Variants in RASGEF1C observed in about 807,000 individuals in gnomAD.
RASGEF1C encodes the protein RasGEF domain family member 1C.
In RASGEF1C, 27 loss-of-function variants were observed where a neutral mutation model predicts 58.1. The ratio of observed to expected loss-of-function variants is 0.46; its 90% CI spans 0.34 to 0.64. RASGEF1C has a LOEUF of 0.64. RASGEF1C is among the 30% of genes least tolerant of loss of function. The probability of loss-of-function intolerance (pLI) is 0.01; values close to 1 mark genes in which losing one functional copy is unlikely to be tolerated. For synonymous variants in RASGEF1C, 243 were observed against 246.3 expected (o/e 0.99, Z 0.13); for missense variants, 502 against 605.1 (o/e 0.83, Z 1.79).
At position 180,162,607 on chromosome 5, in the gene RASGEF1C, G is replaced by T. The variant is rs529941037; in HGVS notation, c.-6-24549C>A. Among the ~76,000 whole-genome samples, 8 of 152,322 alleles carry T rather than the reference G, an allele frequency of 5.3e-5. No homozygotes were observed. In the East Asian group the frequency reaches 1.5e-3, roughly 29 times the overall value. Reference sequence around the variant, plus strand: ...CAGCCCTTCCACATTTGATCAACAAGCTCCCCTCACCGCATTAAGGAACTT... The same window carrying T: ...CAGCCCTTCCACATTTGATCAACAATCTCCCCTCACCGCATTAAGGAACTT... On this transcript the variant is annotated intron_variant, in intron 1 of 13. Coordinates refer to ENST00000361132, the MANE Select transcript of RASGEF1C (RefSeq NM_175062.4).
intron 1 of RASGEF1C, among the ~76,000 whole-genome samples, chr5:180,181,538 G>A (rs1034395017): frequency 6.6e-6 from 1 of 152,182 alleles, no homozygotes; most frequent in Non-Finnish European, 1.5e-5. Context: ...AGAAGACGTG[G>A]GCACACAGGA....
intron 1 of RASGEF1C, among the ~76,000 whole-genome samples, chr5:180,186,687 C>T (rs528203681): frequency 5.3e-5 from 8 of 152,260 alleles, no homozygotes; most frequent in African/African-American, 1.9e-4. Flanking sequence ...CCATCCTGGC[C>T]GGGCGCAGTG....
rs1756315508 is a variant in RASGEF1C at position 180,198,278 on chromosome 5, C to G, written c.-7+10750G>C. Among the ~76,000 whole-genome samples the G allele has an allele frequency of 6.6e-6, 1 of 152,214 alleles. No homozygotes were observed. Among genetic ancestry groups the G allele is most frequent in the South Asian group, 2.1e-4 (1 of 4,828 alleles). ...CTATGATTTCTGAAAGTCAAAGACA[C>G]ATGTCGGGTGCCCAAGAAGGGAAGA... On this transcript the variant is annotated intron_variant, in intron 1 of 13. Transcript: ENST00000361132. The surrounding 1 kb of genome is among the most constrained non-coding windows in gnomAD (Gnocchi z 4.5).
In RASGEF1C at chr5:180,169,611, CG is replaced by C. The variant is rs1320747410; in HGVS notation, c.-6-31554del. ...GACGTGAGCAGTGGGGGCAGGGGGG[CG>C]GGCTCCTCACTGAGCCTCAGTTTTC... On this transcript the variant is annotated intron_variant, in intron 1 of 13. Coordinates refer to ENST00000361132, the MANE Select transcript of RASGEF1C (RefSeq NM_175062.4). Among the ~76,000 whole-genome samples the C allele has an allele frequency of 1.5e-4, 20 of 136,472 alleles. No homozygotes were observed. The East Asian group carries it at 1.8e-3, about 12-fold the overall frequency. The allele number at this position is 136,472 out of a possible 152,430, so 89.5% of individuals were successfully genotyped here.
intron 10 of RASGEF1C, chr5:180,115,266 G>T: frequency 1.2e-5 from 5 of 434,402 alleles, no homozygotes; most frequent in South Asian, 8.1e-5. Flanking sequence ...TGCTCGCCTC[G>T]GCCTCCCAAG....
At chr5:180,169,537 G>C (rs977932405) in intron 1 of RASGEF1C, among the ~76,000 whole-genome samples, 4 of 151,618 alleles carry the variant, frequency 2.6e-5, no homozygotes, top group Admixed American at 2.6e-4. Flanking sequence ...CAGGGCCCAA[G>C]GGGAAGGTCT....
Position 180,128,522 on chromosome 5 carries a change from G to A in RASGEF1C, c.527C>T (p.Ala176Val). ...GGTCCTGTAGGAGATGGGCTTGTCG[G>A]CACCCACCAGACCTTCTGGCCCCTG... is the stretch of plus-strand genomic sequence containing the variant. ...LRQGPEGLVG[A>V]DKPISYRTKP... is the part of the protein sequence containing the mutation. Residue 176 changes from alanine (A) to valine (V), a missense_variant, in exon 5 of 14, where the codon GCC becomes GTC. Transcript: ENST00000361132. 6.2e-7 allele frequency: 1 copy of A among 1,614,124 alleles called. No homozygotes were observed. The highest frequency in any genetic ancestry group is 8.5e-7 in the Non-Finnish European group (1 of 1,180,004).
intron 1 of RASGEF1C, among the ~76,000 whole-genome samples, chr5:180,188,655 T>C (rs1380936671): frequency 6.6e-6 from 1 of 152,232 alleles, no homozygotes; most frequent in African/African-American, 2.4e-5. Flanking sequence ...GGCAAGGTGA[T>C]CCACTTTCTT....
chr5:180,116,856 T>G (rs1213025207), intron 10 of RASGEF1C, among the ~76,000 whole-genome samples: 1 of 152,236 alleles, frequency 6.6e-6, no homozygotes, highest in Non-Finnish European at 1.5e-5. Flanking sequence ...AGCCTGGCGG[T>G]GTGCAGACCA....
rs544885290 is a variant in RASGEF1C at position 180,112,483 on chromosome 5, A to T, written c.1180-903T>A. The stretch of plus-strand genomic sequence containing the variant: ...CTCTCTGGGCTATAGATGAAGACCC[A>T]TCTTACACAGGGAGAGACTGAGGCT... On this transcript the variant is annotated intron_variant, in intron 11 of 13. Coordinates refer to ENST00000361132, the MANE Select transcript of RASGEF1C (RefSeq NM_175062.4). Among the ~76,000 whole-genome samples the T allele has an allele frequency of 2.4e-4, 37 of 152,362 alleles. No individual in the cohort carries two copies. The South Asian group carries it at 2.5e-3, about 10-fold the overall frequency.
intron 1 of RASGEF1C, among the ~76,000 whole-genome samples, chr5:180,150,970 C>T (rs1211828820): frequency 1.3e-5 from 2 of 151,032 alleles, no homozygotes; most frequent in African/African-American, 2.4e-5. Flanking sequence ...TTCACAATTG[C>T]TTCAAAGAGA....
Position 180,143,228 on chromosome 5 carries a change from G to A in RASGEF1C, c.-6-5170C>T, listed in dbSNP as rs1048185404. On this transcript the variant is annotated intron_variant, in intron 1 of 13. Coordinates refer to ENST00000361132, the MANE Select transcript of RASGEF1C (RefSeq NM_175062.4). The surrounding 1 kb of genome is among the most constrained non-coding windows in gnomAD (Gnocchi z 4.3). ...CTGATGCCTGCCAGCACCCAGCTGG[G>A]CATCCTTCCTTCTGGAGGCCTCACT... 5.9e-5 allele frequency among the ~76,000 whole-genome samples: 9 copies of A among 152,190 alleles called. No homozygotes were observed. Among genetic ancestry groups the A allele is most frequent in the African/African-American group, 2.2e-4 (9 of 41,448 alleles).
At chr5:180,115,817 T>G (rs1380782832) in intron 10 of RASGEF1C, among the ~76,000 whole-genome samples, 1 of 152,028 alleles carries the variant, frequency 6.6e-6, no homozygotes, top group Non-Finnish European at 1.5e-5. Flanking sequence ...CAGGTGGCTC[T>G]GCCCTAGTGC....
At chr5:180,208,354 C>A (rs770047291) in intron 1 of RASGEF1C, among the ~76,000 whole-genome samples, 6 of 152,298 alleles carry the variant, frequency 3.9e-5, no homozygotes, top group Admixed American at 3.9e-4. Flanking sequence ...CAGTTTCCCA[C>A]GCCCACGCTG....
At chr5:180,118,336 G>A (rs1042035020) in intron 10 of RASGEF1C, among the ~76,000 whole-genome samples, 2 of 149,680 alleles carry the variant, frequency 1.3e-5, no homozygotes, top group African/African-American at 2.5e-5. Flanking sequence ...AAGACGAAGT[G>A]GCCTCACTCG....
rs114200110 is a variant in RASGEF1C, at chr5:180,144,068, G to A, written c.-6-6010C>T. Among the ~76,000 whole-genome samples, 1,376 of 152,266 alleles carry A rather than the reference G, an allele frequency of 9.0e-3. 7 individuals are homozygous for A. The highest frequency in any genetic ancestry group is 0.012 in the Non-Finnish European group (846 of 68,000). Reference sequence around the variant, plus strand: ...TGGAGACTGGTGCACGAAGTACCTCGCACAGTGCCTGCTGTGGAGAAAGGA... The same window carrying A: ...TGGAGACTGGTGCACGAAGTACCTCACACAGTGCCTGCTGTGGAGAAAGGA... On this transcript the variant is annotated intron_variant, in intron 1 of 13. Transcript: ENST00000361132.
chr5:180,194,646 C>G (rs1360958038), intron 1 of RASGEF1C, among the ~76,000 whole-genome samples: 1 of 152,230 alleles, frequency 6.6e-6, no homozygotes, highest in Non-Finnish European at 1.5e-5. Flanking sequence ...GGAGAAAAGC[C>G]CCACTGTGGT....
intron 1 of RASGEF1C, among the ~76,000 whole-genome samples, chr5:180,178,563 A>G (rs548484359): frequency 2.6e-4 from 39 of 152,168 alleles, no homozygotes; most frequent in African/African-American, 7.7e-4. Context: ...TACAGGTGTG[A>G]GCCACCGTGA....
intron 4 of RASGEF1C, among the ~76,000 whole-genome samples, chr5:180,129,439 C>T (rs1016559661): frequency 3.3e-5 from 5 of 152,250 alleles, no homozygotes; most frequent in African/African-American, 1.2e-4. Context: ...CAGACGACTC[C>T]CAACCCCGCC....
Sources: allele counts gnomAD v4.1 joint callset (sites outside exome capture counted in the v4.1 genomes callset), GRCh38; gene constraint gnomAD v4.1.1; non-coding constraint Gnocchi (gnomAD v3.1); transcripts MANE v1.5; gene names NCBI Gene and HGNC (gene_info 2026-07-23, HGNC 2026-07-21).